The following GJA3 variants were observed in gnomAD, a reference collection of about 807,000 sequenced individuals.
GJA3 encodes gap junction protein alpha 3.
For missense variants in GJA3, 571 were observed against 620.3 expected, an observed-to-expected ratio of 0.92 and a Z score of 0.84; for synonymous variants, 297 against 292.6, an observed-to-expected ratio of 1.02 and a Z score of -0.15.
intron 1 of GJA3, among the ~76,000 whole-genome samples, chr13:20,152,510 G>T (rs1037670868): frequency 5.9e-5 from 9 of 152,040 alleles, no homozygotes; most frequent in African/African-American, 2.2e-4. Context: ...TCAGCCTCAT[G>T]AGTAGCTGGG....
rs1397893079 is a variant in GJA3, at chr13:20,142,528, G to A, written c.761C>T (p.Pro254Leu). 3.2e-6 allele frequency: 5 copies of A among 1,556,004 alleles called. No homozygotes were observed. Among genetic ancestry groups the A allele is most frequent in the Non-Finnish European group, 4.3e-6 (5 of 1,150,888 alleles). Residue 254 changes from proline to leucine, a missense_variant, in exon 2 of 2, where the codon CCC becomes CTC. Pro to Leu is a moderately conservative substitution (Grantham distance 98, BLOSUM62 -3). Coordinates refer to ENST00000241125, the MANE Select transcript of GJA3 (RefSeq NM_021954.4). ...GGGCGGCCGGGAGCTGGGGGGCAGG[G>A]GCGGGGGATCGGCTGTCCCCAGCGG... ...EAPLGTADPP[P>L]LPPSSRPPAV... is the part of the protein sequence containing the mutation.
intron 1 of GJA3, among the ~76,000 whole-genome samples, chr13:20,147,964 A>G (rs60448497): frequency 0.013 from 1,934 of 152,152 alleles, 35 homozygotes; most frequent in African/African-American, 0.044. Flanking sequence ...AGTTTCCCCA[A>G]CAGACTCTAA....
chr13:20,148,757 A>G (rs982344947), intron 1 of GJA3, among the ~76,000 whole-genome samples: 2 of 152,246 alleles, frequency 1.3e-5, no homozygotes, highest in African/African-American at 4.8e-5. Context: ...AGAGGAAAAG[A>G]CGGGCTTTCG....
chr13:20,157,548 C>T (rs1958913197), intron 1 of GJA3, among the ~76,000 whole-genome samples: 1 of 152,220 alleles, frequency 6.6e-6, no homozygotes, highest in Non-Finnish European at 1.5e-5. Context: ...AGTTGCACAG[C>T]CCACAGTGCT....
At chr13:20,150,833 G>A (rs1037210781) in intron 1 of GJA3, among the ~76,000 whole-genome samples, 4 of 152,236 alleles carry the variant, frequency 2.6e-5, no homozygotes, top group South Asian at 2.1e-4. Flanking sequence ...GTGACTCTGC[G>A]TCAGTGCCCT....
chr13:20,147,670 T>C (rs1958851285), intron 1 of GJA3, among the ~76,000 whole-genome samples: 1 of 152,236 alleles, frequency 6.6e-6, no homozygotes, highest in Non-Finnish European at 1.5e-5. Flanking sequence ...TGACAACATA[T>C]CACACTGCTC....
rs1958792933 is a variant in GJA3 at position 20,139,133 on chromosome 13, GATA to G, written c.*2845_*2847del. 6.6e-6 allele frequency: 1 copy of G among 152,118 alleles called. No homozygotes were observed. Among genetic ancestry groups the G allele is most frequent in the Non-Finnish European group, 1.5e-5 (1 of 68,026 alleles). 9.4% of individuals were successfully genotyped at this position (152,118 alleles called of 1,614,324 possible). On this transcript the variant is annotated 3_prime_UTR_variant, in exon 2 of 2. Coordinates refer to ENST00000241125, the MANE Select transcript of GJA3 (RefSeq NM_021954.4). Reference sequence around the variant, plus strand: ...AAAGTTTAAAAAGGAGAAAGTGAGTGATAATATAAGTAATAGTTTTAGAATTTA... The same window carrying G: ...AAAGTTTAAAAAGGAGAAAGTGAGTGATATAAGTAATAGTTTTAGAATTTA...
At chr13:20,144,730 G>A (rs1016214352) in intron 1 of GJA3, among the ~76,000 whole-genome samples, 3 of 152,228 alleles carry the variant, frequency 2.0e-5, no homozygotes, top group Non-Finnish European at 2.9e-5. Flanking sequence ...ACGGGATGAA[G>A]ATGAGATGGC....
rs1433072314 is a variant in GJA3 at position 20,141,929 on chromosome 13, G to C, written c.*52C>G. The C allele has an allele frequency of 1.3e-6, 2 of 1,538,780 alleles. No individual in the cohort carries two copies. The highest frequency in any genetic ancestry group is 4.0e-5 in the Admixed American group (2 of 50,536). Reference sequence around the variant, plus strand: ...TGGTGGGAAGTGCACTTTGGTTTTGGTTTCTAAGAAAAAGATCACTACACA... The same window carrying C: ...TGGTGGGAAGTGCACTTTGGTTTTGCTTTCTAAGAAAAAGATCACTACACA... On this transcript the variant is annotated 3_prime_UTR_variant, in exon 2 of 2. Coordinates refer to ENST00000241125, the MANE Select transcript of GJA3 (RefSeq NM_021954.4).
At position 20,139,579 on chromosome 13, in the gene GJA3, T is replaced by G. The variant is rs1958795700; in HGVS notation, c.*2402A>C. 1 of 152,156 alleles carries G rather than the reference T, an allele frequency of 6.6e-6. No individual in the cohort carries two copies. 9.4% of individuals were successfully genotyped at this position (152,156 alleles called of 1,614,324 possible). On this transcript the variant is annotated 3_prime_UTR_variant, in exon 2 of 2. Transcript: ENST00000241125. The stretch of plus-strand genomic sequence containing the variant: ...CGTTCATTTCTTACATGAACTGAAA[T>G]CAGTATGCTAACCTGAAAAAACACC...
rs1180894589 is a variant in GJA3 at position 20,142,133 on chromosome 13, C to T, written c.1156G>A (p.Ala386Thr). ...DGSGSSLEGSALAGTPEEEEQ... is the reference protein window; with the variant it reads ...DGSGSSLEGSTLAGTPEEEEQ... ...TCCTCCTCGGGGGTCCCTGCCAGGG[C>T]GCTCCCCTCCAGACTGCTGCCGCTC... Residue 386 changes from alanine (A) to threonine (T), a missense_variant, in exon 2 of 2, where the codon GCC becomes ACC. Coordinates refer to ENST00000241125, the MANE Select transcript of GJA3 (RefSeq NM_021954.4). 1.9e-6 allele frequency: 3 copies of T among 1,541,880 alleles called. No homozygotes were observed. The highest frequency in any genetic ancestry group is 1.2e-5 in the South Asian group (1 of 83,588).
At position 20,143,160 on chromosome 13, in the gene GJA3, G is replaced by T. The variant is rs764463364; in HGVS notation, c.129C>A (p.Asp43Glu). Residue 43 changes from aspartate (D) to glutamate (E), a missense_variant, in exon 2 of 2, where the codon GAC (aspartate) becomes GAA (glutamate). Asp to Glu is a conservative substitution (Grantham distance 45). Coordinates refer to ENST00000241125, the MANE Select transcript of GJA3 (RefSeq NM_021954.4). ...AGTCTGACTGCTCATCGCCCCACAC[G>T]TCCTCCGCCGCGGCCCCCAGCACCA... The part of the protein sequence containing the change: ...RILVLGAAAE[D>E]VWGDEQSDFT... 8.7e-6 allele frequency: 14 copies of T among 1,608,860 alleles called. No individual in the cohort carries two copies. The highest frequency in any genetic ancestry group is 1.2e-5 in the Non-Finnish European group (14 of 1,176,562).
chr13:20,143,285 C>T lies in GJA3; in HGVS notation c.4G>A (p.Gly2Ser), dbSNP rs946988913. 3 of 1,516,498 alleles carry T rather than the reference C, an allele frequency of 2.0e-6. No homozygotes were observed. The highest frequency in any genetic ancestry group is 2.6e-6 in the Non-Finnish European group (3 of 1,135,960). 93.9% of individuals were successfully genotyped at this position (1,516,498 alleles called of 1,614,324 possible). The change falls in exon 2 of 2, where the codon GGC becomes AGC. Residue 2 changes from glycine (G) to serine (S), a missense_variant. Gly to Ser is a moderately conservative substitution (Grantham distance 56, BLOSUM62 0). Transcript: ENST00000241125. MGDWSFLGRLLE... is the reference protein window; with the variant it reads MSDWSFLGRLLE... ...AGTCTTCCCAGAAAGCTCCAGTCGC[C>T]CATTGCTTCAGATTCCTAACCTGTA...
chr13:20,147,364 C>A (rs1047725313), intron 1 of GJA3, among the ~76,000 whole-genome samples: 2 of 152,202 alleles, frequency 1.3e-5, no homozygotes, highest in Admixed American at 1.3e-4. Context: ...AACTGATACA[C>A]TATCTTAAAT....
rs1207680151 is a variant in GJA3 at position 20,141,815 on chromosome 13, T to C, written c.*166A>G. The C allele has an allele frequency of 1.7e-5, 17 of 1,013,058 alleles. No homozygotes were observed. The Admixed American group carries it at 2.2e-4, about 13-fold the overall frequency. 62.8% of individuals were successfully genotyped at this position (1,013,058 alleles called of 1,614,324 possible). Reference sequence around the variant, plus strand: ...CTCACAGTGCTAAGAACAGCAAGCATTGAACACGGAAACCTGATCTCTCCT... The same window carrying C: ...CTCACAGTGCTAAGAACAGCAAGCACTGAACACGGAAACCTGATCTCTCCT... On this transcript the variant is annotated 3_prime_UTR_variant, in exon 2 of 2. Coordinates refer to ENST00000241125, the MANE Select transcript of GJA3 (RefSeq NM_021954.4).
Position 20,140,348 on chromosome 13 carries a change from A to G in GJA3, c.*1633T>C, listed in dbSNP as rs745582871. On this transcript the variant is annotated 3_prime_UTR_variant, in exon 2 of 2. Transcript: ENST00000241125. ...AACTAGTTGCATGCAAGAATCTGAG[A>G]CTTGGAAATTGCATTCCTTTCATCA... The G allele has an allele frequency of 2.0e-5, 3 of 152,206 alleles. No individual in the cohort carries two copies. The highest frequency in any genetic ancestry group is 4.4e-5 in the Non-Finnish European group (3 of 68,034). 9.4% of individuals were successfully genotyped at this position (152,206 alleles called of 1,614,324 possible). A position where few individuals can be genotyped will look rare whatever the true frequency, so the allele number is the denominator to read the frequency against.
rs1284595600 is a variant in GJA3, at chr13:20,141,797, T to C, written c.*184A>G. ...GAGTTATCCCCACTGTAACTCACAG[T>C]GCTAAGAACAGCAAGCATTGAACAC... is the stretch of plus-strand genomic sequence containing the variant. On this transcript the variant is annotated 3_prime_UTR_variant, in exon 2 of 2. Transcript: ENST00000241125. 3.5e-6 allele frequency: 3 copies of C among 860,854 alleles called. No homozygotes were observed. Among genetic ancestry groups the C allele is most frequent in the Non-Finnish European group, 3.5e-6 (2 of 571,096 alleles). 53.3% of individuals were successfully genotyped at this position (860,854 alleles called of 1,614,324 possible). A position where few individuals can be genotyped will look rare whatever the true frequency, so the allele number is the denominator to read the frequency against.
At position 20,141,053 on chromosome 13, in the gene GJA3, A is replaced by G. The variant is rs1032404415; in HGVS notation, c.*928T>C. On this transcript the variant is annotated 3_prime_UTR_variant, in exon 2 of 2. Transcript: ENST00000241125. ...CAAGAAAGTTCAAAATCTTTAGTAAAGATGCTAGTAGCATGCATTAGGGCA... is the reference window on the plus strand; with the variant it reads ...CAAGAAAGTTCAAAATCTTTAGTAAGGATGCTAGTAGCATGCATTAGGGCA... 1 of 152,250 alleles carries G rather than the reference A, an allele frequency of 6.6e-6. No homozygotes were observed. The highest frequency in any genetic ancestry group is 2.4e-5 in the African/African-American group (1 of 41,466). The allele number at this position is 152,250 out of a possible 1,614,324, so 9.4% of individuals were successfully genotyped here. A position where few individuals can be genotyped will look rare whatever the true frequency, so the allele number is the denominator to read the frequency against.
Position 20,138,327 on chromosome 13 carries a change from C to T in GJA3, c.*3654G>A. ...GTTACAATGTAATCCAGGAAAGACA[C>T]TGTTATGGCACAAAAATTAAGTTTT... On this transcript the variant is annotated 3_prime_UTR_variant, in exon 2 of 2. Coordinates refer to ENST00000241125, the MANE Select transcript of GJA3 (RefSeq NM_021954.4). 1 of 152,144 alleles carries T rather than the reference C, an allele frequency of 6.6e-6. No homozygotes were observed. Among genetic ancestry groups the T allele is most frequent in the Non-Finnish European group, 1.5e-5 (1 of 68,038 alleles). The allele number at this position is 152,144 out of a possible 1,614,324, so 9.4% of individuals were successfully genotyped here.
Sources: gnomAD v4.1 joint callset for allele counts (sites outside exome capture counted in the v4.1 genomes callset) on GRCh38, gnomAD v4.1.1 for gene constraint, MANE v1.5 for transcripts, NCBI Gene and HGNC (gene_info 2026-07-23, HGNC 2026-07-21) for gene names.